Variants in AMBRA1 observed in about 807,000 individuals in gnomAD.
AMBRA1 encodes the protein autophagy and beclin 1 regulator 1.
A neutral mutation model predicts 125.4 loss-of-function variants in AMBRA1; 47 were observed. The ratio of observed to expected loss-of-function variants is 0.37; its 90% CI spans 0.30 to 0.48. The LOEUF is 0.48. Among genes scored for constraint, AMBRA1 ranks in the 20% least tolerant of loss-of-function variants. The probability of loss-of-function intolerance (pLI) is 0.99; values close to 1 mark genes in which losing one functional copy is unlikely to be tolerated. For missense variants in AMBRA1, 1,331 were observed against 1,693.4 expected, an observed-to-expected ratio of 0.79 and a Z score of 3.76; for synonymous variants, 626 against 655.5, an observed-to-expected ratio of 0.95 and a Z score of 0.69.
intron 1 of AMBRA1, among the ~76,000 whole-genome samples, chr11:46,593,545 G>A (rs951105079): frequency 1.3e-5 from 2 of 152,276 alleles, no homozygotes. Context: ...AAGCTCTATC[G>A]GTTCCTGGAA....
At chr11:46,550,085 C>A (rs1466286099) in intron 1 of AMBRA1, among the ~76,000 whole-genome samples, 1 of 152,200 alleles carries the variant, frequency 6.6e-6, no homozygotes, top group Non-Finnish European at 1.5e-5. Context: ...TCCCAAAGTG[C>A]TGGGATTACA....
At chr11:46,565,766 T>C (rs539528871) in intron 1 of AMBRA1, among the ~76,000 whole-genome samples, 1 of 152,190 alleles carries the variant, frequency 6.6e-6, no homozygotes, top group South Asian at 2.1e-4. Flanking sequence ...AAAAAATTTA[T>C]AAAAATTCAG....
At chr11:46,423,177 T>C (rs1946931750) in intron 14 of AMBRA1, among the ~76,000 whole-genome samples, 1 of 152,176 alleles carries the variant, frequency 6.6e-6, no homozygotes, top group African/African-American at 2.4e-5. Context: ...GCACATATCC[T>C]AGAGTGGCAG....
intron 14 of AMBRA1, among the ~76,000 whole-genome samples, chr11:46,431,075 G>A (rs1205071598): frequency 6.6e-6 from 1 of 151,906 alleles, no homozygotes; most frequent in Non-Finnish European, 1.5e-5. Flanking sequence ...TGGACGTAAG[G>A]GGCAACCAAG....
chr11:46,587,493 TA>T lies in AMBRA1; in HGVS notation c.-121+6334del, dbSNP rs537808952. 6.3e-3 allele frequency among the ~76,000 whole-genome samples: 967 copies of T among 152,288 alleles called. 7 individuals are homozygous for T. Among genetic ancestry groups the T allele is most frequent in the South Asian group, 0.021 (103 of 4,826 alleles). On this transcript the variant is annotated intron_variant, in intron 1 of 17. Transcript: ENST00000683756. ...TATCATACATTAAATATCAGACACA[TA>T]TTACATGTAGCAATCAATCTTAAAT...
chr11:46,485,890 A>G (rs555260912), intron 11 of AMBRA1, among the ~76,000 whole-genome samples: 1 of 152,344 alleles, frequency 6.6e-6, no homozygotes, highest in East Asian at 1.9e-4. Flanking sequence ...CACTAGTGGT[A>G]TAAGATAAGG....
At chr11:46,553,378 T>C (rs1028827381) in intron 1 of AMBRA1, among the ~76,000 whole-genome samples, 9 of 152,046 alleles carry the variant, frequency 5.9e-5, no homozygotes, top group African/African-American at 9.7e-5. Flanking sequence ...GAAAAAAACA[T>C]TAACAGCCTG....
At chr11:46,445,112 T>G (rs1413486807) in intron 11 of AMBRA1, among the ~76,000 whole-genome samples, 1 of 151,624 alleles carries the variant, frequency 6.6e-6, no homozygotes, top group Non-Finnish European at 1.5e-5. Context: ...TAATCATTTG[T>G]TCCCCTCCAA....
chr11:46,462,854 C>T (rs770934645), intron 11 of AMBRA1, among the ~76,000 whole-genome samples: 5 of 152,008 alleles, frequency 3.3e-5, no homozygotes, highest in Admixed American at 6.6e-5. Flanking sequence ...CAGGTTCAAG[C>T]GATTCTCCTT....
intron 11 of AMBRA1, among the ~76,000 whole-genome samples, chr11:46,458,641 G>A (rs1948953748): frequency 6.6e-6 from 1 of 152,082 alleles, no homozygotes; most frequent in East Asian, 1.9e-4. Context: ...CTGTCGCCCA[G>A]GCTGGAGTGC....
chr11:46,462,735 T>C (rs188796901), intron 11 of AMBRA1, among the ~76,000 whole-genome samples: 1 of 152,066 alleles, frequency 6.6e-6, no homozygotes, highest in Non-Finnish European at 1.5e-5. Flanking sequence ...ATTCAAGTAC[T>C]TTCTCAAATA....
At chr11:46,593,494 G>C (rs1283891156) in intron 1 of AMBRA1, among the ~76,000 whole-genome samples, 1 of 152,192 alleles carries the variant, frequency 6.6e-6, no homozygotes, top group East Asian at 1.9e-4. Context: ...AGACTTCGGG[G>C]TGGGGGGAAA....
At chr11:46,401,938 T>C (rs1192864992) in intron 17 of AMBRA1, among the ~76,000 whole-genome samples, 1 of 152,024 alleles carries the variant, frequency 6.6e-6, no homozygotes. Flanking sequence ...CAGACCCTTA[T>C]CATGCTGCAG....
At chr11:46,529,935 C>A (rs117769389) in intron 7 of AMBRA1, among the ~76,000 whole-genome samples, 6 of 152,294 alleles carry the variant, frequency 3.9e-5, no homozygotes, top group East Asian at 3.9e-4. Flanking sequence ...GGCCCACCCC[C>A]CAACCACTCA....
chr11:46,399,137 C>T (rs1945592992), intron 17 of AMBRA1, among the ~76,000 whole-genome samples: 2 of 151,616 alleles, frequency 1.3e-5, no homozygotes, highest in Admixed American at 6.6e-5. Flanking sequence ...TGCAATGATG[C>T]GATCTCAGCT....
chr11:46,548,194 A>G, intron 2 of AMBRA1, 52 bp downstream of exon 2: 1 of 1,611,526 alleles, frequency 6.2e-7, no homozygotes. Context: ...CTAAGGTCTC[A>G]TTCTACCATC....
At chr11:46,495,798 G>A (rs1475824389) in intron 9 of AMBRA1, among the ~76,000 whole-genome samples, 6 of 152,178 alleles carry the variant, frequency 3.9e-5, no homozygotes, top group Admixed American at 2.0e-4. Flanking sequence ...TCATTTAAAA[G>A]TACAATTGAA....
Position 46,593,986 on chromosome 11 carries a change from C to G in AMBRA1, c.-279G>C, listed in dbSNP as rs2044699190. ...CCTCGCGGACAACTCAGCCCTCGACCCGGCGCCGCCGCCGCTCAGGAGACA... is the reference window on the plus strand; with the variant it reads ...CCTCGCGGACAACTCAGCCCTCGACGCGGCGCCGCCGCCGCTCAGGAGACA... On this transcript the variant is annotated 5_prime_UTR_variant, in exon 1 of 18. Coordinates refer to ENST00000683756, the MANE Select transcript of AMBRA1 (RefSeq NM_001387011.1). 1 of 398,564 alleles carries G rather than the reference C, an allele frequency of 2.5e-6. No individual in the cohort carries two copies. The allele number at this position is 398,564 out of a possible 1,614,324, so 24.7% of individuals were successfully genotyped here. A position where few individuals can be genotyped will look rare whatever the true frequency, so the allele number is the denominator to read the frequency against.
Position 46,566,315 on chromosome 11 carries a change from G to A in AMBRA1, c.-120-17815C>T, listed in dbSNP as rs1037401770. Among the ~76,000 whole-genome samples the A allele has an allele frequency of 2.6e-5, 4 of 152,016 alleles. No homozygotes were observed. The South Asian group carries it at 6.2e-4, about 24-fold the overall frequency. On this transcript the variant is annotated intron_variant, in intron 1 of 17. Transcript: ENST00000683756. Reference sequence around the variant, plus strand: ...CACCTGTAGTCCCAGCTACCGGGGCGGCTGAGGCAGGAGAATCGCTTGAAC... The same window carrying A: ...CACCTGTAGTCCCAGCTACCGGGGCAGCTGAGGCAGGAGAATCGCTTGAAC...
Sources: gnomAD v4.1 joint callset for allele counts (sites outside exome capture counted in the v4.1 genomes callset) on GRCh38, gnomAD v4.1.1 for gene constraint, MANE v1.5 for transcripts, NCBI Gene and HGNC (gene_info 2026-07-23, HGNC 2026-07-21) for gene names.